TCEANC2: variants seen among roughly 807,000 people sequenced by gnomAD.
TCEANC2 encodes transcription elongation factor A N-terminal and central domain containing 2.
Under a neutral mutation model 22.8 loss-of-function variants are expected in TCEANC2, and 20 were observed. The observed-to-expected ratio is 0.88, with a 90% CI of 0.62 to 1.28. The LOEUF (loss-of-function observed/expected upper bound fraction) is 1.28, where lower values mean the gene tolerates loss of function less well. TCEANC2 is among the 50% of genes most tolerant of loss of function. The pLI is 0.00. For synonymous variants in TCEANC2, 84 were observed against 95.5 expected (o/e 0.88, Z 0.70); for missense variants, 251 against 249.7 (o/e 1.01, Z -0.03).
chr1:54,073,000 C>T (rs945299959), intron 3 of TCEANC2, among the ~76,000 whole-genome samples: 1 of 152,118 alleles, frequency 6.6e-6, no homozygotes, highest in African/African-American at 2.4e-5. Context: ...GGGTCTCACT[C>T]TGACTCCCAA....
chr1:54,066,988 A>G (rs1198228087), intron 2 of TCEANC2, among the ~76,000 whole-genome samples: 1 of 152,212 alleles, frequency 6.6e-6, no homozygotes, highest in Non-Finnish European at 1.5e-5. Context: ...ACCATAAGCC[A>G]TAAAGTAGGT....
chr1:54,073,770 G>A (rs1658099242), intron 3 of TCEANC2, among the ~76,000 whole-genome samples: 1 of 152,194 alleles, frequency 6.6e-6, no homozygotes, highest in Non-Finnish European at 1.5e-5. Context: ...AGCTCAGTTA[G>A]GAAGCTACTA....
In TCEANC2 at chr1:54,098,884, G is replaced by C. The variant is rs928659207; in HGVS notation, c.*2411G>C. 6.6e-6 allele frequency: 1 copy of C among 152,260 alleles called. No homozygotes were observed. The highest frequency in any genetic ancestry group is 1.5e-5 in the Non-Finnish European group (1 of 68,062). The allele number at this position is 152,260 out of a possible 1,614,324, so 9.4% of individuals were successfully genotyped here. ...AATTGGGTGGTTGAGATGCATGCCT[G>C]GCAGAGCAAGCAGAGTATGGAAAAA... On this transcript the variant is annotated 3_prime_UTR_variant, in exon 5 of 5. Transcript: ENST00000234827.
chr1:54,054,908 C>G (rs921069783), intron 2 of TCEANC2, among the ~76,000 whole-genome samples: 3 of 152,200 alleles, frequency 2.0e-5, no homozygotes, highest in African/African-American at 7.2e-5. Flanking sequence ...GTCACACTGC[C>G]CAGAACTGTA....
In TCEANC2 at chr1:54,061,764, G is replaced by A. The variant is rs28670693; in HGVS notation, c.103-6992G>A. On this transcript the variant is annotated intron_variant, in intron 2 of 4. Transcript: ENST00000234827. ...TAGGGTGAGCTGGAAAAAAAAAAAA[G>A]TGGAAGTTTCTGAATGCCAAACTGA... Among the ~76,000 whole-genome samples the A allele has an allele frequency of 9.8e-4, 148 of 150,398 alleles. 1 individual carries two copies. Among genetic ancestry groups the A allele is most frequent in the African/African-American group, 3.6e-3 (144 of 40,232 alleles).
At chr1:54,055,832 C>A (rs1657741973) in intron 2 of TCEANC2, among the ~76,000 whole-genome samples, 1 of 152,146 alleles carries the variant, frequency 6.6e-6, no homozygotes, top group South Asian at 2.1e-4. Context: ...CAAGTCAGTC[C>A]CTTCTCTAAG....
intron 3 of TCEANC2, among the ~76,000 whole-genome samples, chr1:54,071,920 C>T (rs777920851): frequency 6.6e-6 from 1 of 151,804 alleles, no homozygotes; most frequent in Non-Finnish European, 1.5e-5. Context: ...CAAGTGATCC[C>T]CCCACCTCAG....
At chr1:54,094,246 G>GCC (rs1658502972) in intron 4 of TCEANC2, among the ~76,000 whole-genome samples, 1 of 152,056 alleles carries the variant, frequency 6.6e-6, no homozygotes, top group Non-Finnish European at 1.5e-5. Context: ...TCTGCTCTTT[G>GCC]CTTGGTCCTT....
At position 54,053,627 on chromosome 1, in the gene TCEANC2, G is replaced by A. The variant is rs1010466825; in HGVS notation, c.-174G>A. On this transcript the variant is annotated 5_prime_UTR_variant, in exon 1 of 5. Transcript: ENST00000234827. ...TGGCCCAGAGGCGCGAGGGCCGGCG[G>A]AGTTTCTTCAGAGGAACTACCGCCC... The A allele has an allele frequency of 6.0e-6, 1 of 165,770 alleles. No individual in the cohort carries two copies. The highest frequency in any genetic ancestry group is 2.4e-5 in the African/African-American group (1 of 41,766). 10.3% of individuals were successfully genotyped at this position (165,770 alleles called of 1,614,324 possible). A position where few individuals can be genotyped will look rare whatever the true frequency, so the allele number is the denominator to read the frequency against.
In TCEANC2 at chr1:54,054,189, A is replaced by C. The variant is rs187813932; in HGVS notation, c.-42-192A>C. 5.8e-6 allele frequency: 8 copies of C among 1,384,000 alleles called. No individual in the cohort carries two copies. In the Admixed American group the frequency reaches 2.1e-4, roughly 36 times the overall value. The allele number at this position is 1,384,000 out of a possible 1,614,324, so 85.7% of individuals were successfully genotyped here. A position where few individuals can be genotyped will look rare whatever the true frequency, so the allele number is the denominator to read the frequency against. ...AGGAACCTCCTAACTCAGGACGTAG[A>C]CTGATGATTGATTACAGTTTCAATT... On this transcript the variant is annotated intron_variant, in intron 1 of 4. Coordinates refer to ENST00000234827, the MANE Select transcript of TCEANC2 (RefSeq NM_153035.3).
chr1:54,084,167 CT>C (rs1387578392), intron 3 of TCEANC2, among the ~76,000 whole-genome samples: 2 of 152,064 alleles, frequency 1.3e-5, no homozygotes, highest in Non-Finnish European at 2.9e-5. Flanking sequence ...CATTCACCAC[CT>C]TGCCCAGCTA....
chr1:54,089,740 A>G (rs569421701), intron 4 of TCEANC2: 3 of 285,188 alleles, frequency 1.1e-5, no homozygotes, highest in South Asian at 1.2e-4. Flanking sequence ...TTTTTTATCT[A>G]CAAAAGAAGG....
chr1:54,081,048 C>T (rs1014848973), intron 3 of TCEANC2, among the ~76,000 whole-genome samples: 8 of 152,284 alleles, frequency 5.3e-5, no homozygotes, highest in African/African-American at 1.9e-4. Context: ...TGGAGCCAGA[C>T]TGCTTATATA....
rs577009052 is a variant in TCEANC2, at chr1:54,080,375, C to G, written c.245-8222C>G. 2.9e-4 allele frequency among the ~76,000 whole-genome samples: 44 copies of G among 152,116 alleles called. No individual in the cohort carries two copies. The South Asian group carries it at 9.2e-3, about 32-fold the overall frequency. On this transcript the variant is annotated intron_variant, in intron 3 of 4. Transcript: ENST00000234827. Reference sequence around the variant, plus strand: ...ACCAGGCTGTTGTCGAACTCCTGGCCTCATGTGATCTCCCCACCTCAGCCT... The same window carrying G: ...ACCAGGCTGTTGTCGAACTCCTGGCGTCATGTGATCTCCCCACCTCAGCCT...
rs950659434 is a variant in TCEANC2 at position 54,098,817 on chromosome 1, T to C, written c.*2344T>C. The C allele has an allele frequency of 6.6e-6, 1 of 152,170 alleles. No homozygotes were observed. Among genetic ancestry groups the C allele is most frequent in the African/African-American group, 2.4e-5 (1 of 41,434 alleles). The allele number at this position is 152,170 out of a possible 1,614,324, so 9.4% of individuals were successfully genotyped here. Reference sequence around the variant, plus strand: ...AGGAGTTTGGATAGGGGAATGTTAGTTAATAGAATGAAAATTTCAAAATTA... The same window carrying C: ...AGGAGTTTGGATAGGGGAATGTTAGCTAATAGAATGAAAATTTCAAAATTA... On this transcript the variant is annotated 3_prime_UTR_variant, in exon 5 of 5. Coordinates refer to ENST00000234827, the MANE Select transcript of TCEANC2 (RefSeq NM_153035.3).
intron 3 of TCEANC2, among the ~76,000 whole-genome samples, chr1:54,069,865 G>A (rs1361953675): frequency 6.6e-6 from 1 of 152,188 alleles, no homozygotes; most frequent in South Asian, 2.1e-4. Context: ...TTTTAGTACA[G>A]TACACAACTG....
chr1:54,069,736 A>G (rs1658022581), intron 3 of TCEANC2, among the ~76,000 whole-genome samples: 1 of 152,206 alleles, frequency 6.6e-6, no homozygotes, highest in African/African-American at 2.4e-5. Context: ...AATCTAAACA[A>G]GGTATATACT....
intron 3 of TCEANC2, among the ~76,000 whole-genome samples, chr1:54,080,750 C>A (rs1658224052): frequency 6.6e-6 from 1 of 152,230 alleles, no homozygotes; most frequent in African/African-American, 2.4e-5. Context: ...CTGCTTCCTG[C>A]AGGGAATTTG....
intron 2 of TCEANC2, among the ~76,000 whole-genome samples, chr1:54,061,890 A>G (rs1458203383): frequency 6.6e-6 from 1 of 152,228 alleles, no homozygotes; most frequent in African/African-American, 2.4e-5. Context: ...TATAAAAGTG[A>G]TTCTCAATAG....
Sources: gnomAD v4.1 joint callset for allele counts (sites outside exome capture counted in the v4.1 genomes callset) on GRCh38, gnomAD v4.1.1 for gene constraint, MANE v1.5 for transcripts, NCBI Gene and HGNC (gene_info 2026-07-23, HGNC 2026-07-21) for gene names.